Variants in SYT16 observed in about 807,000 individuals in gnomAD.
SYT16 encodes synaptotagmin-16.
A neutral mutation model predicts 61.4 loss-of-function variants in SYT16; 42 were observed. That is an observed-to-expected ratio of 0.68 (90% CI 0.53 to 0.89). The LOEUF (loss-of-function observed/expected upper bound fraction) is 0.89. SYT16 is among the 40% of genes least tolerant of loss of function. The pLI is 0.00. For synonymous variants in SYT16, 314 were observed against 302.3 expected (o/e 1.04, Z -0.40); for missense variants, 804 against 807.3 (o/e 1.00, Z 0.05).
chr14:61,847,034 GTTA>G (rs1342135511), intron 1 of SYT16, among the ~76,000 whole-genome samples: 1 of 152,014 alleles, frequency 6.6e-6, no homozygotes, highest in Non-Finnish European at 1.5e-5. Context: ...AAAAGTTGTT[GTTA>G]TTATTTTTGG....
chr14:61,916,251 T>C (rs532978205), intron 1 of SYT16, among the ~76,000 whole-genome samples: 12 of 152,300 alleles, frequency 7.9e-5, no homozygotes, highest in Non-Finnish European at 1.3e-4. Context: ...TCAGGAAATA[T>C]CCATTACTTT....
rs1226570021 is a variant in SYT16, at chr14:62,100,987, T to G, written c.*280T>G. Reference sequence around the variant, plus strand: ...ATTTGTGCCAATAGATCATTGAGTTTTAGTTCAGGGTATGGGGTGAAGCTT... The same window carrying G: ...ATTTGTGCCAATAGATCATTGAGTTGTAGTTCAGGGTATGGGGTGAAGCTT... On this transcript the variant is annotated 3_prime_UTR_variant, in exon 8 of 8. Coordinates refer to ENST00000683842, the MANE Select transcript of SYT16 (RefSeq NM_001367656.1). The G allele has an allele frequency of 2.8e-5, 9 of 326,846 alleles. No homozygotes were observed. The highest frequency in any genetic ancestry group is 4.5e-5 in the Non-Finnish European group (8 of 177,692). 20.2% of individuals were successfully genotyped at this position (326,846 alleles called of 1,614,324 possible). A position where few individuals can be genotyped will look rare whatever the true frequency, so the allele number is the denominator to read the frequency against.
At chr14:62,025,788 T>G (rs1201801716) in intron 3 of SYT16, among the ~76,000 whole-genome samples, 1 of 152,118 alleles carries the variant, frequency 6.6e-6, no homozygotes, top group Non-Finnish European at 1.5e-5. Context: ...TGCTGGTCTA[T>G]TTTAGTTTTA....
intron 1 of SYT16, among the ~76,000 whole-genome samples, chr14:61,869,892 C>G (rs1167752667): frequency 6.6e-6 from 1 of 152,158 alleles, no homozygotes; most frequent in East Asian, 1.9e-4. Flanking sequence ...CTTCCCTCCC[C>G]ACAGAACTGT....
intron 1 of SYT16, among the ~76,000 whole-genome samples, chr14:61,891,183 CTTTAA>C (rs972840751): frequency 6.6e-6 from 1 of 151,646 alleles, no homozygotes; most frequent in African/African-American, 2.4e-5. Context: ...GAACTGAATC[CTTTAA>C]TTTATCTTTT....
intron 1 of SYT16, among the ~76,000 whole-genome samples, chr14:61,918,030 G>T (rs953000874): frequency 2.6e-5 from 4 of 152,180 alleles, no homozygotes; most frequent in Admixed American, 1.3e-4. Flanking sequence ...GTGGTGTCCT[G>T]TCGGTATTCA....
chr14:61,998,531 C>T (rs964597717), intron 3 of SYT16, among the ~76,000 whole-genome samples: 2 of 151,976 alleles, frequency 1.3e-5, no homozygotes, highest in African/African-American at 4.8e-5. Flanking sequence ...CAGTAGTTTT[C>T]CCTTTTTAAT....
intron 1 of SYT16, among the ~76,000 whole-genome samples, chr14:61,855,607 T>C (rs966621653): frequency 2.0e-5 from 3 of 152,248 alleles, no homozygotes; most frequent in Admixed American, 6.5e-5. Flanking sequence ...TGAATACATA[T>C]TGCTTTTGCA....
chr14:61,986,671 C>G lies in SYT16; in HGVS notation c.-144-9205C>G, dbSNP rs186682478. ...TTGTGTCCAAGTGTTCTCATTAGAA[C>G]AGATACTTTCATAGATTTGAATGTG... is the stretch of plus-strand genomic sequence containing the variant. On this transcript the variant is annotated intron_variant, in intron 2 of 7. Coordinates refer to ENST00000683842, the MANE Select transcript of SYT16 (RefSeq NM_001367656.1). Among the ~76,000 whole-genome samples, 202 of 152,080 alleles carry G rather than the reference C, an allele frequency of 1.3e-3. 2 individuals are homozygous for G. Among genetic ancestry groups the G allele is most frequent in the Non-Finnish European group, 9.1e-4 (62 of 67,970 alleles).
intron 1 of SYT16, among the ~76,000 whole-genome samples, chr14:61,871,478 T>C (rs949453353): frequency 5.9e-5 from 9 of 152,216 alleles, no homozygotes; most frequent in African/African-American, 2.2e-4. Flanking sequence ...GACTCTGTTC[T>C]GGGTCTGTTT....
rs529732133 is a variant in SYT16 at position 62,041,340 on chromosome 14, T to G, written c.524-28263T>G. Among the ~76,000 whole-genome samples the G allele has an allele frequency of 9.5e-4, 144 of 152,322 alleles. 1 individual carries two copies. Among genetic ancestry groups the G allele is most frequent in the Non-Finnish European group, 1.8e-3 (124 of 68,026 alleles). On this transcript the variant is annotated intron_variant, in intron 3 of 7. Transcript: ENST00000683842. ...CACTTATTAACTAAAGCCCATAGTTTGCATTAGTGTTCACTCTTTGTGTTC... is the reference window on the plus strand; with the variant it reads ...CACTTATTAACTAAAGCCCATAGTTGGCATTAGTGTTCACTCTTTGTGTTC...
chr14:61,864,984 C>T, intron 1 of SYT16: 1 of 1,391,620 alleles, frequency 7.2e-7, no homozygotes, highest in Non-Finnish European at 1.0e-6. Context: ...CTGGGCCCCT[C>T]TTACAGTGGC....
intron 7 of SYT16, among the ~76,000 whole-genome samples, chr14:62,089,836 T>C (rs2057011361): frequency 6.6e-6 from 1 of 152,254 alleles, no homozygotes; most frequent in Non-Finnish European, 1.5e-5. Context: ...GTATAGTGTC[T>C]AGCAGACATC....
At chr14:62,069,963 G>A in intron 4 of SYT16, 148 bp downstream of exon 4, 3 of 915,020 alleles carry the variant, frequency 3.3e-6, no homozygotes, top group Non-Finnish European at 4.9e-6. Flanking sequence ...CAAAGGGGCT[G>A]CTTTGAACCT....
chr14:62,067,737 T>A (rs2140936235), intron 3 of SYT16, among the ~76,000 whole-genome samples: 1 of 152,266 alleles, frequency 6.6e-6, no homozygotes, highest in South Asian at 2.1e-4. Context: ...GCATGGTGGC[T>A]CACGCCTGTA....
At chr14:62,043,288 C>T (rs74751401) in intron 3 of SYT16, among the ~76,000 whole-genome samples, 3,998 of 152,034 alleles carry the variant, frequency 0.026, 70 homozygotes, top group Middle Eastern at 0.065. Context: ...TAAAGTTTCG[C>T]TATCGACTGT....
chr14:62,023,106 C>A (rs765136574), intron 3 of SYT16, among the ~76,000 whole-genome samples: 2 of 152,096 alleles, frequency 1.3e-5, no homozygotes, highest in Non-Finnish European at 2.9e-5. Flanking sequence ...TTGTGACTTA[C>A]TGCCAAACAT....
chr14:62,065,496 G>C (rs7153369), intron 3 of SYT16, among the ~76,000 whole-genome samples: 15,495 of 152,006 alleles, frequency 0.1, 1,016 homozygotes, highest in African/African-American at 0.18. Flanking sequence ...GATGATCAAT[G>C]GCTCACTGAA....
At chr14:62,008,204 T>G in intron 3 of SYT16, among the ~76,000 whole-genome samples, 1 of 152,104 alleles carries the variant, frequency 6.6e-6, no homozygotes, top group Non-Finnish European at 1.5e-5. Context: ...GCTGGTACCC[T>G]CTTCCCATAT....
Sources: allele counts gnomAD v4.1 joint callset (sites outside exome capture counted in the v4.1 genomes callset), GRCh38; gene constraint gnomAD v4.1.1; transcripts MANE v1.5; gene names NCBI Gene and HGNC (gene_info 2026-07-23, HGNC 2026-07-21).